The following UNC5C variants were observed in gnomAD, a reference collection of about 807,000 sequenced individuals.
UNC5C encodes unc-5 netrin receptor C.
In UNC5C, 47 loss-of-function variants were observed where a neutral mutation model predicts 99.8. The observed-to-expected ratio is 0.47, with a 90% CI of 0.37 to 0.60. The LOEUF (loss-of-function observed/expected upper bound fraction) is 0.60, where lower values mean the gene tolerates loss of function less well. Ranked by LOEUF, UNC5C falls within the 20% of genes least tolerant of loss-of-function variation. UNC5C has a pLI of 0.00. For synonymous variants in UNC5C, 487 were observed against 452.2 expected (o/e 1.08, Z -0.98); for missense variants, 1,062 against 1,165.9 (o/e 0.91, Z 1.30).
chr4:95,394,872 AAAC>A (rs1745467876), intron 1 of UNC5C, among the ~76,000 whole-genome samples: 1 of 152,144 alleles, frequency 6.6e-6, no homozygotes, highest in Non-Finnish European at 1.5e-5. Flanking sequence ...CTGACACCAA[AAAC>A]AACAGGCTGT....
intron 1 of UNC5C, among the ~76,000 whole-genome samples, chr4:95,505,386 C>G (rs1721889361): frequency 6.6e-6 from 1 of 152,056 alleles, no homozygotes; most frequent in African/African-American, 2.4e-5. Flanking sequence ...TGAGATTTTG[C>G]AAGGCTCTCA....
intron 1 of UNC5C, among the ~76,000 whole-genome samples, chr4:95,374,253 G>A (rs112518008): frequency 1.5e-3 from 228 of 152,120 alleles, no homozygotes; most frequent in African/African-American, 5.2e-3. Context: ...ATACTTCAAG[G>A]TTATATATCA....
intron 14 of UNC5C, among the ~76,000 whole-genome samples, chr4:95,175,130 T>C (rs1196760122): frequency 6.6e-6 from 1 of 152,030 alleles, no homozygotes; most frequent in Non-Finnish European, 1.5e-5. Flanking sequence ...TTTGAGCCTA[T>C]GTGTGTCTCT....
At position 95,219,065 on chromosome 4, in the gene UNC5C, G is replaced by A. The variant is rs771301532; in HGVS notation, c.1549C>T (p.Leu517=). 1 of 1,614,194 alleles carries A rather than the reference G, an allele frequency of 6.2e-7. No individual in the cohort carries two copies. The highest frequency in any genetic ancestry group is 1.7e-5 in the Admixed American group (1 of 60,014). ...TGCCTTGCTAGACTCTGGTTCTTCA[G>A]GCTGAGGGCTTCATTCTCCAACAAC... is the stretch of plus-strand genomic sequence containing the variant. The part of the protein sequence containing the change: ...QSLLENEALS[L]KNQSLARQTD... Residue 517 remains leucine (L), a synonymous_variant, in exon 9 of 16, where the codon CTG becomes TTG. Coordinates refer to ENST00000453304, the MANE Select transcript of UNC5C (RefSeq NM_003728.4).
At chr4:95,251,925 G>T (rs1348066792) in intron 4 of UNC5C, among the ~76,000 whole-genome samples, 1 of 152,138 alleles carries the variant, frequency 6.6e-6, no homozygotes, top group Non-Finnish European at 1.5e-5. Flanking sequence ...AACATATGAG[G>T]TTGTAGAGTA....
At chr4:95,443,083 C>A (rs1746997973) in intron 1 of UNC5C, among the ~76,000 whole-genome samples, 1 of 151,926 alleles carries the variant, frequency 6.6e-6, no homozygotes, top group African/African-American at 2.4e-5. Context: ...TAAGGGAGGA[C>A]TAGTTGATAT....
chr4:95,432,899 C>T (rs994586370), intron 1 of UNC5C, among the ~76,000 whole-genome samples: 1 of 152,140 alleles, frequency 6.6e-6, no homozygotes, highest in Non-Finnish European at 1.5e-5. Context: ...CACTATGCTA[C>T]TTACATTTTC....
At chr4:95,455,917 G>C (rs900203558) in intron 1 of UNC5C, among the ~76,000 whole-genome samples, 1 of 152,084 alleles carries the variant, frequency 6.6e-6, no homozygotes, top group Non-Finnish European at 1.5e-5. Context: ...ATTTTGGTTT[G>C]ATACATCAGT....
intron 1 of UNC5C, among the ~76,000 whole-genome samples, chr4:95,454,112 A>G (rs966121479): frequency 2.0e-5 from 3 of 152,084 alleles, no homozygotes; most frequent in Non-Finnish European, 4.4e-5. Flanking sequence ...TGAGTGCACA[A>G]AAAAACCACT....
chr4:95,251,118 A>C (rs2149382200), intron 4 of UNC5C, among the ~76,000 whole-genome samples: 1 of 152,344 alleles, frequency 6.6e-6, no homozygotes, highest in Non-Finnish European at 1.5e-5. Context: ...AAAGAATAGA[A>C]AGACTATTTT....
intron 10 of UNC5C, 40 bp downstream of exon 10, chr4:95,216,084 G>A (rs1332661430): frequency 2.6e-6 from 4 of 1,546,128 alleles, no homozygotes; most frequent in African/African-American, 2.7e-5. Flanking sequence ...CTCCAAGTTA[G>A]ACATTGGTAA....
At chr4:95,183,976 T>TA (rs775335254) in intron 13 of UNC5C, among the ~76,000 whole-genome samples, 57 of 152,220 alleles carry the variant, frequency 3.7e-4, no homozygotes, top group Non-Finnish European at 7.3e-4. Context: ...TAGCTTTAAC[T>TA]AATATCATAT....
intron 1 of UNC5C, among the ~76,000 whole-genome samples, chr4:95,420,167 C>A (rs1026504978): frequency 5.3e-5 from 8 of 152,084 alleles, no homozygotes; most frequent in Non-Finnish European, 1.0e-4. Flanking sequence ...TCAGGTTAAA[C>A]GTTTTATTGG....
At chr4:95,181,006 A>G (rs1484178971) in intron 14 of UNC5C, among the ~76,000 whole-genome samples, 1 of 152,168 alleles carries the variant, frequency 6.6e-6, no homozygotes. Flanking sequence ...TTCCTCTCCA[A>G]CATCAGTACA....
chr4:95,479,661 A>G (rs897815040), intron 1 of UNC5C, among the ~76,000 whole-genome samples: 1 of 151,954 alleles, frequency 6.6e-6, no homozygotes, highest in Non-Finnish European at 1.5e-5. Flanking sequence ...AGCTTAGTTT[A>G]TAAGATACCC....
rs565802769 is a variant in UNC5C at position 95,167,523 on chromosome 4, G to A, written c.*1711C>T. ...TGTAGCGTAGAAAAAAATGCACCAA[G>A]TTCCTACTGCCAGATAAACTTGTAG... On this transcript the variant is annotated 3_prime_UTR_variant, in exon 16 of 16. Transcript: ENST00000453304. 3 of 152,248 alleles carry A rather than the reference G, an allele frequency of 2.0e-5. No individual in the cohort carries two copies. In the East Asian group the frequency reaches 5.8e-4, roughly 29 times the overall value. The allele number at this position is 152,248 out of a possible 1,614,324, so 9.4% of individuals were successfully genotyped here.
At chr4:95,282,200 G>A (rs1446279524) in intron 3 of UNC5C, among the ~76,000 whole-genome samples, 3 of 152,090 alleles carry the variant, frequency 2.0e-5, no homozygotes, top group Non-Finnish European at 4.4e-5. Flanking sequence ...TGAACAAAGC[G>A]GTAGGAGAAA....
At chr4:95,237,347 A>G (rs1440528135) in intron 7 of UNC5C, among the ~76,000 whole-genome samples, 1 of 152,174 alleles carries the variant, frequency 6.6e-6, no homozygotes, top group Non-Finnish European at 1.5e-5. Context: ...GCTTCCCCAT[A>G]AAAATTTTTA....
At chr4:95,169,529 C>A (rs1398577658) in intron 15 of UNC5C, 130 bp from the exon 16 acceptor site, 13 of 977,326 alleles carry the variant, frequency 1.3e-5, no homozygotes, top group Non-Finnish European at 1.9e-5. Context: ...GTGAGCCATC[C>A]TAAATAACTA....
Sources: allele counts gnomAD v4.1 joint callset (sites outside exome capture counted in the v4.1 genomes callset), GRCh38; gene constraint gnomAD v4.1.1; transcripts MANE v1.5; gene names NCBI Gene and HGNC (gene_info 2026-07-23, HGNC 2026-07-21).